The following MYL10 variants were observed in gnomAD, a reference collection of about 807,000 sequenced individuals.
MYL10 encodes myosin regulatory light chain 10.
In MYL10, 18 loss-of-function variants were observed where a neutral mutation model predicts 21.9. The observed-to-expected ratio is 0.82, with a 90% CI of 0.57 to 1.22. The LOEUF (loss-of-function observed/expected upper bound fraction) is 1.22, where lower values mean the gene tolerates loss of function less well. Among genes scored for constraint, MYL10 ranks in the 50% most tolerant of loss-of-function variants. MYL10 has a pLI of 0.00. For synonymous variants in MYL10, 88 were observed against 82.8 expected (o/e 1.06, Z -0.34); for missense variants, 225 against 230.4 (o/e 0.98, Z 0.15).
intron 6 of MYL10, 73 bp from the exon 7 acceptor site, chr7:101,613,783 A>G (rs2130733628): frequency 6.9e-7 from 1 of 1,451,222 alleles, no homozygotes; most frequent in Non-Finnish European, 9.7e-7. Context: ...CCCAGGGGTG[A>G]TGAGGGGCAA....
intron 5 of MYL10, among the ~76,000 whole-genome samples, chr7:101,617,162 G>T (rs573946051): frequency 4.6e-5 from 7 of 152,224 alleles, no homozygotes; most frequent in Non-Finnish European, 7.3e-5. Context: ...TGGATGCGGG[G>T]GTGCCCCCTT....
At position 101,624,265 on chromosome 7, in the gene MYL10, C is replaced by T. The variant is rs1359919886; in HGVS notation, c.79-1G>A. 1.2e-6 allele frequency: 2 copies of T among 1,611,232 alleles called. No individual in the cohort carries two copies. The highest frequency in any genetic ancestry group is 1.3e-5 in the African/African-American group (1 of 74,674). ...CTCTTTTCCGAGCTCTTCTCGGTGCCTGCGAGGTAGCAGACAAGGCCTTGC... is the reference window on the plus strand; with the variant it reads ...CTCTTTTCCGAGCTCTTCTCGGTGCTTGCGAGGTAGCAGACAAGGCCTTGC... On this transcript the variant is annotated splice_acceptor_variant, in intron 1 of 7. Coordinates refer to ENST00000223167, the MANE Select transcript of MYL10 (RefSeq NM_138403.5). LOFTEE classifies it high-confidence loss of function.
At chr7:101,619,298 C>T (rs528380573) in intron 5 of MYL10, among the ~76,000 whole-genome samples, 72 of 152,284 alleles carry the variant, frequency 4.7e-4, no homozygotes, top group Middle Eastern at 3.4e-3. Flanking sequence ...GGGAATAGGC[C>T]CCGACAAGCT....
chr7:101,617,184 T>C (rs1474380935), intron 5 of MYL10, among the ~76,000 whole-genome samples: 1 of 152,254 alleles, frequency 6.6e-6, no homozygotes, highest in Non-Finnish European at 1.5e-5. Flanking sequence ...CTTTCTTCAG[T>C]GCTCAAATGT....
At chr7:101,625,267 C>T (rs1158158612) in intron 1 of MYL10, among the ~76,000 whole-genome samples, 24 of 152,196 alleles carry the variant, frequency 1.6e-4, no homozygotes, top group Admixed American at 1.6e-3. Context: ...TTGCTGAAAG[C>T]CCTAGGTCCC....
intron 5 of MYL10, among the ~76,000 whole-genome samples, chr7:101,619,452 G>A (rs1208231385): frequency 6.6e-6 from 1 of 152,140 alleles, no homozygotes; most frequent in Non-Finnish European, 1.5e-5. Context: ...TCTGGCTCTG[G>A]ATCTGCCAGG....
chr7:101,613,785 G>A, intron 6 of MYL10, 75 bp from the exon 7 acceptor site: 1 of 1,429,174 alleles, frequency 7.0e-7, no homozygotes, highest in Non-Finnish European at 9.9e-7. Context: ...CAGGGGTGAT[G>A]AGGGGCAAGT....
chr7:101,623,374 T>C (rs1219614758), intron 3 of MYL10, among the ~76,000 whole-genome samples: 1 of 152,220 alleles, frequency 6.6e-6, no homozygotes, highest in Non-Finnish European at 1.5e-5. Context: ...ACCCAGGCTC[T>C]GGGCCATGGC....
At chr7:101,614,779 C>T (rs780393040) in intron 6 of MYL10, among the ~76,000 whole-genome samples, 2 of 152,134 alleles carry the variant, frequency 1.3e-5, no homozygotes, top group Non-Finnish European at 2.9e-5. Context: ...GGGACAGACC[C>T]TCTCCACCTC....
intron 1 of MYL10, among the ~76,000 whole-genome samples, chr7:101,626,410 A>G (rs951810946): frequency 2.6e-5 from 4 of 152,202 alleles, no homozygotes; most frequent in African/African-American, 9.6e-5. Context: ...AGAAGACAAG[A>G]CAGAGAAGCC....
intron 5 of MYL10, among the ~76,000 whole-genome samples, chr7:101,616,641 G>A (rs1458306250): frequency 1.3e-5 from 2 of 152,252 alleles, no homozygotes; most frequent in Admixed American, 1.3e-4. Context: ...GAGACCCAGA[G>A]AAGTTAAGTG....
At chr7:101,626,158 C>G (rs1424338327) in intron 1 of MYL10, among the ~76,000 whole-genome samples, 2 of 152,326 alleles carry the variant, frequency 1.3e-5, no homozygotes, top group African/African-American at 4.8e-5. Flanking sequence ...CTTGGCTGCT[C>G]CCAGCCTCCG....
chr7:101,624,113 G>A lies in MYL10; in HGVS notation c.171+59C>T. On this transcript the variant is annotated intron_variant, in intron 2 of 7. Coordinates refer to ENST00000223167, the MANE Select transcript of MYL10 (RefSeq NM_138403.5). ...GGACTGAGCCTCTGCCCAGCTCCTTGAGCAACTGGCATGCATTCCAAGAAT... is the reference window on the plus strand; with the variant it reads ...GGACTGAGCCTCTGCCCAGCTCCTTAAGCAACTGGCATGCATTCCAAGAAT... 3 of 1,040,434 alleles carry A rather than the reference G, an allele frequency of 2.9e-6. No homozygotes were observed. In the South Asian group the frequency reaches 3.9e-5, roughly 13 times the overall value. 64.5% of individuals were successfully genotyped at this position (1,040,434 alleles called of 1,614,324 possible).
chr7:101,614,195 C>T (rs1189187511), intron 6 of MYL10, among the ~76,000 whole-genome samples: 1 of 152,114 alleles, frequency 6.6e-6, no homozygotes, highest in Non-Finnish European at 1.5e-5. Flanking sequence ...CCTGCAAGGG[C>T]CTGCCCCCTC....
chr7:101,622,332 T>C lies in MYL10; in HGVS notation c.350-132A>G, dbSNP rs139966611. 6.6e-6 allele frequency: 4 copies of C among 609,130 alleles called. No individual in the cohort carries two copies. In the African/African-American group the frequency reaches 7.6e-5, roughly 12 times the overall value. 37.7% of individuals were successfully genotyped at this position (609,130 alleles called of 1,614,324 possible). On this transcript the variant is annotated intron_variant, in intron 4 of 7. Coordinates refer to ENST00000223167, the MANE Select transcript of MYL10 (RefSeq NM_138403.5). ...TCAGCCCTAAGGCCCTGACGCCTTT[T>C]TGGGGGACTCTTTAGGGGGCATTTG...
chr7:101,617,943 C>T (rs1352830134), intron 5 of MYL10, among the ~76,000 whole-genome samples: 2 of 151,954 alleles, frequency 1.3e-5, no homozygotes, highest in African/African-American at 2.4e-5. Flanking sequence ...TCTGTTCCTC[C>T]CCCATTAGAC....
At chr7:101,622,350 G>T in intron 4 of MYL10, 150 bp from the exon 5 acceptor site, 1 of 554,692 alleles carries the variant, frequency 1.8e-6, no homozygotes, top group Admixed American at 3.4e-5. Context: ...CTCTTTAGGG[G>T]GCATTTGGGC....
chr7:101,616,216 T>C lies in MYL10; in HGVS notation c.533+4A>G, dbSNP rs1449589027. 3 of 1,613,724 alleles carry C rather than the reference T, an allele frequency of 1.9e-6. No individual in the cohort carries two copies. The African/African-American group carries it at 4.0e-5, about 22-fold the overall frequency. ...GCATTTTGGGGGAGTCAGGGGAAAC[T>C]TACACATCGGCCTTGACGAAACCTT... On this transcript the variant is annotated splice_donor_region_variant and intron_variant, in intron 6 of 7. Coordinates refer to ENST00000223167, the MANE Select transcript of MYL10 (RefSeq NM_138403.5).
In MYL10 at chr7:101,624,020, C is replaced by T; in HGVS notation, c.173G>A (p.Ser58Asn). ...DQSQIQEFKESLALSPRLERN... is the reference protein window; with the variant it reads ...DQSQIQEFKENLALSPRLERN... ...CTCCAGCCTGGGCGACAGAGCCAGACTCTGTCAAACAAACAAATAATAATA... is the reference window on the plus strand; with the variant it reads ...CTCCAGCCTGGGCGACAGAGCCAGATTCTGTCAAACAAACAAATAATAATA... The change falls in exon 3 of 8, where the codon AGT becomes AAT. Residue 58 changes from serine (S) to asparagine (N), a missense_variant and splice_region_variant. Physicochemically the swap from Ser to Asn is conservative, Grantham distance 46 (BLOSUM62 1). Transcript: ENST00000223167. 1 of 633,348 alleles carries T rather than the reference C, an allele frequency of 1.6e-6. No individual in the cohort carries two copies. The highest frequency in any genetic ancestry group is 2.8e-6 in the Non-Finnish European group (1 of 356,410). The allele number at this position is 633,348 out of a possible 1,614,324, so 39.2% of individuals were successfully genotyped here. A position where few individuals can be genotyped will look rare whatever the true frequency, so the allele number is the denominator to read the frequency against.
Sources: allele counts gnomAD v4.1 joint callset (sites outside exome capture counted in the v4.1 genomes callset), GRCh38; gene constraint gnomAD v4.1.1; transcripts MANE v1.5; gene names NCBI Gene and HGNC (gene_info 2026-07-23, HGNC 2026-07-21).